C10orf67: variants seen among roughly 807,000 people sequenced by gnomAD.
C10orf67 encodes the protein uncharacterized protein C10orf67, mitochondrial.
C10orf67 carries 60 observed loss-of-function variants against 35.6 expected under a neutral mutation model. The observed-to-expected ratio is 1.68, with a 90% CI of 1.37 to 2.09. The LOEUF (loss-of-function observed/expected upper bound fraction) is 2.09, where lower values mean the gene tolerates loss of function less well. Ranked by LOEUF, C10orf67 falls within the 30% of genes most tolerant of loss-of-function variation. The probability of loss-of-function intolerance (pLI) is 0.00; values close to 1 mark genes in which losing one functional copy is unlikely to be tolerated. For missense variants in C10orf67, 474 were observed against 330.2 expected (o/e 1.44, Z -3.38); for synonymous variants, 167 against 115.8 (o/e 1.44, Z -2.84).
rs185428660 is a variant in C10orf67 at position 23,260,750 on chromosome 10, T to A, written c.1200+5512A>T. Among the ~76,000 whole-genome samples the A allele has an allele frequency of 1.1e-4, 16 of 152,338 alleles. No individual in the cohort carries two copies. In the East Asian group the frequency reaches 2.9e-3, roughly 28 times the overall value. ...GGTTCCTATGGATTGCAGTGGCTTCTTATTGACCTCTTATCAATCAGCTGT... is the reference window on the plus strand; with the variant it reads ...GGTTCCTATGGATTGCAGTGGCTTCATATTGACCTCTTATCAATCAGCTGT... On this transcript the variant is annotated intron_variant, in intron 10 of 15. Coordinates refer to ENST00000636213, the MANE Select transcript of C10orf67 (RefSeq NM_001371909.1).
chr10:23,235,762 T>C (rs1026320120), intron 13 of C10orf67, among the ~76,000 whole-genome samples: 4 of 152,300 alleles, frequency 2.6e-5, no homozygotes, highest in African/African-American at 9.6e-5. Flanking sequence ...ACGTCATTAA[T>C]TAGGGAAATG....
intron 3 of C10orf67, 21 bp from the exon 4 acceptor site, chr10:23,320,836 A>T (rs1564511169): frequency 4.0e-6 from 6 of 1,509,582 alleles, no homozygotes; most frequent in Non-Finnish European, 4.5e-6. Flanking sequence ...AAATAAATGC[A>T]ATAAGCACCA....
At chr10:23,338,555 T>A (rs562050372) in intron 1 of C10orf67, among the ~76,000 whole-genome samples, 16 of 152,172 alleles carry the variant, frequency 1.1e-4, no homozygotes, top group Admixed American at 9.8e-4. Flanking sequence ...GAACATCTTA[T>A]CCATCATCAC....
intron 8 of C10orf67, among the ~76,000 whole-genome samples, chr10:23,270,765 A>G (rs1336878938): frequency 6.6e-6 from 1 of 152,258 alleles, no homozygotes; most frequent in Non-Finnish European, 1.5e-5. Flanking sequence ...TAGGGAGTCC[A>G]GGTGGTTCAC....
chr10:23,260,442 G>T (rs1265922643), intron 10 of C10orf67, among the ~76,000 whole-genome samples: 1 of 152,102 alleles, frequency 6.6e-6, no homozygotes, highest in Non-Finnish European at 1.5e-5. Context: ...GAAAGCTCTA[G>T]AAATGGCATA....
chr10:23,288,437 G>T (rs952076808), intron 7 of C10orf67, among the ~76,000 whole-genome samples: 2 of 152,164 alleles, frequency 1.3e-5, no homozygotes, highest in Non-Finnish European at 2.9e-5. Context: ...CATGGACACA[G>T]ATTGGGGAAC....
chr10:23,329,464 T>C (rs546330657), intron 2 of C10orf67, among the ~76,000 whole-genome samples: 14 of 152,146 alleles, frequency 9.2e-5, no homozygotes, highest in African/African-American at 3.1e-4. Context: ...CTAACAAACA[T>C]TGAAGAAATA....
chr10:23,215,179 A>G (rs1213523987), intron 15 of C10orf67, among the ~76,000 whole-genome samples: 1 of 152,244 alleles, frequency 6.6e-6, no homozygotes, highest in African/African-American at 2.4e-5. Flanking sequence ...CTCAATAAAA[A>G]AATAGAACAC....
chr10:23,219,262 C>A (rs1240186833), intron 15 of C10orf67, among the ~76,000 whole-genome samples: 3 of 152,184 alleles, frequency 2.0e-5, no homozygotes, highest in African/African-American at 7.2e-5. Flanking sequence ...TCCTGTGTTT[C>A]AGATACTGAT....
intron 10 of C10orf67, among the ~76,000 whole-genome samples, chr10:23,263,746 G>T (rs1029359667): frequency 1.3e-5 from 2 of 152,126 alleles, no homozygotes; most frequent in Non-Finnish European, 2.9e-5. Flanking sequence ...ACTCAGGGTC[G>T]GGAGAGGAAA....
chr10:23,227,749 A>G (rs1841780676), intron 13 of C10orf67, among the ~76,000 whole-genome samples: 2 of 152,196 alleles, frequency 1.3e-5, no homozygotes, highest in Admixed American at 1.3e-4. Context: ...GTCTCAGGAT[A>G]CAAAATCAAT....
chr10:23,341,617 T>C (rs1588718142), intron 1 of C10orf67, among the ~76,000 whole-genome samples: 1 of 152,222 alleles, frequency 6.6e-6, no homozygotes, highest in East Asian at 1.9e-4. Flanking sequence ...GCTGAAGTCC[T>C]TAAGGTAGTC....
At chr10:23,224,235 T>C (rs1841667821) in intron 13 of C10orf67, among the ~76,000 whole-genome samples, 1 of 152,228 alleles carries the variant, frequency 6.6e-6, no homozygotes, top group Non-Finnish European at 1.5e-5. Flanking sequence ...TTCACTGTTC[T>C]GCAGCCTCCG....
intron 4 of C10orf67, among the ~76,000 whole-genome samples, chr10:23,304,344 A>G (rs749030958): frequency 9.9e-5 from 15 of 152,132 alleles, no homozygotes; most frequent in Non-Finnish European, 1.9e-4. Flanking sequence ...AGGCAGGCCC[A>G]CTGATTTTGA....
chr10:23,327,079 T>C (rs1845230920), intron 2 of C10orf67, among the ~76,000 whole-genome samples: 1 of 152,116 alleles, frequency 6.6e-6, no homozygotes, highest in African/African-American at 2.4e-5. Context: ...AACTGTTGAA[T>C]GTTCAAATTT....
chr10:23,332,290 T>C (rs578152588), intron 2 of C10orf67, among the ~76,000 whole-genome samples: 1 of 152,332 alleles, frequency 6.6e-6, no homozygotes, highest in African/African-American at 2.4e-5. Context: ...GACAAGAGTA[T>C]AGTGGTATGC....
chr10:23,241,145 A>G (rs1842167203), intron 12 of C10orf67, among the ~76,000 whole-genome samples: 1 of 152,244 alleles, frequency 6.6e-6, no homozygotes, highest in Non-Finnish European at 1.5e-5. Context: ...TGTTTGGACT[A>G]GTGACTCAAT....
At chr10:23,230,800 T>C (rs1377671179) in intron 13 of C10orf67, among the ~76,000 whole-genome samples, 1 of 151,994 alleles carries the variant, frequency 6.6e-6, no homozygotes, top group Non-Finnish European at 1.5e-5. Context: ...CAATAACAGG[T>C]TGGCAAAAAT....
intron 8 of C10orf67, among the ~76,000 whole-genome samples, chr10:23,273,496 A>T (rs989997721): frequency 4.6e-5 from 7 of 152,288 alleles, no homozygotes; most frequent in African/African-American, 1.7e-4. Context: ...TCAAGGCCTT[A>T]AAAAATCTCA....
Sources: allele counts gnomAD v4.1 joint callset (sites outside exome capture counted in the v4.1 genomes callset), GRCh38; gene constraint gnomAD v4.1.1; transcripts MANE v1.5; gene names NCBI Gene and HGNC (gene_info 2026-07-23, HGNC 2026-07-21).